The following STIMATE variants were observed in gnomAD, a reference collection of about 807,000 sequenced individuals.
The protein encoded by STIMATE is store-operated calcium entry regulator STIMATE.
A neutral mutation model predicts 36.7 loss-of-function variants in STIMATE; 15 were observed. The ratio of observed to expected loss-of-function variants is 0.41; its 90% CI spans 0.27 to 0.63. The LOEUF (loss-of-function observed/expected upper bound fraction) is 0.63. STIMATE is among the 20% of genes least tolerant of loss of function. STIMATE has a pLI of 0.32. For missense variants in STIMATE, 305 were observed against 397.3 expected (o/e 0.77, Z 1.98); for synonymous variants, 163 against 162.3 (o/e 1.00, Z -0.03).
At chr3:52,870,734 G>A (rs1440860438) in intron 1 of STIMATE, among the ~76,000 whole-genome samples, 1 of 152,170 alleles carries the variant, frequency 6.6e-6, no homozygotes, top group Non-Finnish European at 1.5e-5. Flanking sequence ...ACCAGCAGCA[G>A]GGCAGGCGCC....
intron 3 of STIMATE, among the ~76,000 whole-genome samples, chr3:52,850,706 G>T (rs1234600156): frequency 6.6e-6 from 1 of 151,824 alleles, no homozygotes; most frequent in Non-Finnish European, 1.5e-5. Flanking sequence ...CCCATCTGCA[G>T]TCAAGCATAA....
intron 4 of STIMATE, among the ~76,000 whole-genome samples, chr3:52,846,221 C>G (rs1700897098): frequency 6.6e-6 from 1 of 152,202 alleles, no homozygotes; most frequent in Non-Finnish European, 1.5e-5. Context: ...CTGAGGTCTT[C>G]CTTTCTACTT....
intron 1 of STIMATE, among the ~76,000 whole-genome samples, chr3:52,859,662 T>C (rs1308388226): frequency 3.6e-5 from 5 of 138,894 alleles, no homozygotes; most frequent in African/African-American, 1.3e-4. Flanking sequence ...GGGAACAAAG[T>C]GAAACCCTGA....
intron 1 of STIMATE, among the ~76,000 whole-genome samples, chr3:52,868,617 ATTATT>A (rs2106698655): frequency 6.6e-6 from 1 of 152,020 alleles, no homozygotes; most frequent in South Asian, 2.1e-4. Context: ...CAGGAACTTG[ATTATT>A]TTATTATTTT....
In STIMATE at chr3:52,838,709, G is replaced by T. The variant is rs573193033; in HGVS notation, c.*1785C>A. On this transcript the variant is annotated 3_prime_UTR_variant, in exon 8 of 8. Coordinates refer to ENST00000355083, the MANE Select transcript of STIMATE (RefSeq NM_198563.5). ...CTCCTGGTGGAAGATGGGCTGAGAA[G>T]GCCTGCCTGATGCTCGCCTTCAAGT... 79 of 152,420 alleles carry T rather than the reference G, an allele frequency of 5.2e-4. No individual in the cohort carries two copies. The highest frequency in any genetic ancestry group is 1.8e-3 in the African/African-American group (75 of 41,582). 9.4% of individuals were successfully genotyped at this position (152,420 alleles called of 1,614,324 possible).
At chr3:52,846,924 G>A (rs1234225673) in intron 4 of STIMATE, among the ~76,000 whole-genome samples, 3 of 152,150 alleles carry the variant, frequency 2.0e-5, no homozygotes, top group Non-Finnish European at 2.9e-5. Context: ...TTTTCTTAGA[G>A]ATGGGGTCTC....
At chr3:52,880,162 GC>G (rs1234239187) in intron 1 of STIMATE, among the ~76,000 whole-genome samples, 1 of 152,158 alleles carries the variant, frequency 6.6e-6, no homozygotes, top group Non-Finnish European at 1.5e-5. Flanking sequence ...GAGGCTTAGG[GC>G]CCGGGTGGGG....
intron 1 of STIMATE, among the ~76,000 whole-genome samples, chr3:52,891,629 C>A (rs976595302): frequency 6.6e-6 from 1 of 152,078 alleles, no homozygotes; most frequent in African/African-American, 2.4e-5. Flanking sequence ...GCATGCTAAT[C>A]TGGATTCACA....
At chr3:52,844,327 T>C (rs940127968) in intron 5 of STIMATE, among the ~76,000 whole-genome samples, 1 of 152,200 alleles carries the variant, frequency 6.6e-6, no homozygotes. Flanking sequence ...GCTGGTCTCA[T>C]GTGGGCATTC....
At chr3:52,878,990 C>T (rs3821873) in intron 1 of STIMATE, among the ~76,000 whole-genome samples, 88,535 of 151,926 alleles carry the variant, frequency 0.58, 26,247 homozygotes, top group Middle Eastern at 0.64. Flanking sequence ...TTTACTCAAG[C>T]AAAAAAACTC....
chr3:52,888,999 C>A (rs1338177106), intron 1 of STIMATE, among the ~76,000 whole-genome samples: 1 of 152,128 alleles, frequency 6.6e-6, no homozygotes, highest in Non-Finnish European at 1.5e-5. Flanking sequence ...GTGGGCTGAG[C>A]TCACCAGCCT....
At chr3:52,870,124 G>A (rs1701377979) in intron 1 of STIMATE, among the ~76,000 whole-genome samples, 1 of 152,112 alleles carries the variant, frequency 6.6e-6, no homozygotes, top group Non-Finnish European at 1.5e-5. Context: ...ATTACATCAT[G>A]CCCGGTTAAT....
rs115515631 is a variant in STIMATE, at chr3:52,872,079, C to T, written c.161-16635G>A. ...TCCTGTCTCAGCGCTCAGGAAGCCT[C>T]CTCTGACTGCCTCAACCACGGGTGT... On this transcript the variant is annotated intron_variant, in intron 1 of 7. Transcript: ENST00000355083. 1.7e-3 allele frequency among the ~76,000 whole-genome samples: 253 copies of T among 152,280 alleles called. 1 individual carries two copies. The highest frequency in any genetic ancestry group is 5.9e-3 in the African/African-American group (244 of 41,556).
At chr3:52,890,401 C>T (rs995550590) in intron 1 of STIMATE, among the ~76,000 whole-genome samples, 3 of 152,208 alleles carry the variant, frequency 2.0e-5, no homozygotes, top group Non-Finnish European at 4.4e-5. Context: ...TGAACCGATG[C>T]AGTGGTTCTT....
intron 1 of STIMATE, among the ~76,000 whole-genome samples, chr3:52,886,601 A>G (rs1291605637): frequency 6.6e-6 from 1 of 152,244 alleles, no homozygotes; most frequent in Non-Finnish European, 1.5e-5. Flanking sequence ...TGGCTGGAGG[A>G]CCTTCACTCT....
At chr3:52,860,262 A>G (rs1701195665) in intron 1 of STIMATE, among the ~76,000 whole-genome samples, 1 of 152,100 alleles carries the variant, frequency 6.6e-6, no homozygotes, top group African/African-American at 2.4e-5. Flanking sequence ...AGGGAGAGGA[A>G]TAACATATGG....
chr3:52,875,278 G>C (rs994413433), intron 1 of STIMATE, among the ~76,000 whole-genome samples: 1 of 152,172 alleles, frequency 6.6e-6, no homozygotes, highest in African/African-American at 2.4e-5. Context: ...CCAAAGAACT[G>C]ACCTTCACTG....
At chr3:52,865,871 G>C (rs1701299402) in intron 1 of STIMATE, among the ~76,000 whole-genome samples, 3 of 152,066 alleles carry the variant, frequency 2.0e-5, no homozygotes, top group Non-Finnish European at 4.4e-5. Flanking sequence ...CAACCACACA[G>C]ATGCACAGAT....
Position 52,855,608 on chromosome 3 carries a change from A to G in STIMATE, c.161-164T>C, listed in dbSNP as rs537437081. 2.6e-5 allele frequency among the ~76,000 whole-genome samples: 4 copies of G among 152,350 alleles called. 1 individual carries two copies. The East Asian group carries it at 7.7e-4, about 29-fold the overall frequency. On this transcript the variant is annotated intron_variant, in intron 1 of 7. Transcript: ENST00000355083. ...ACAGTAAGCCCTGCGAAGGTCACTG[A>G]GGTCCTGTGTTGCCGATGATTGGTA...
Sources: gnomAD v4.1 joint callset for allele counts (sites outside exome capture counted in the v4.1 genomes callset) on GRCh38, gnomAD v4.1.1 for gene constraint, MANE v1.5 for transcripts, NCBI Gene and HGNC (gene_info 2026-07-23, HGNC 2026-07-21) for gene names.